Variants in SEC24B observed in about 807,000 individuals in gnomAD.
The protein encoded by SEC24B is protein transport protein Sec24B.
SEC24B carries 45 observed loss-of-function variants against 142.8 expected under a neutral mutation model. That is an observed-to-expected ratio of 0.32 (90% CI 0.25 to 0.40). The LOEUF is 0.40. Ranked by LOEUF, SEC24B falls within the 10% of genes least tolerant of loss-of-function variation. The pLI, the probability that SEC24B is intolerant of heterozygous loss-of-function variation, is 1.00. For missense variants in SEC24B, 1,409 were observed against 1,526.8 expected, an observed-to-expected ratio of 0.92 and a Z score of 1.29; for synonymous variants, 574 against 568.2, an observed-to-expected ratio of 1.01 and a Z score of -0.15.
At chr4:109,458,522 A>C (rs935686890) in intron 1 of SEC24B, among the ~76,000 whole-genome samples, 1 of 152,228 alleles carries the variant, frequency 6.6e-6, no homozygotes, top group African/African-American at 2.4e-5. Flanking sequence ...ATGAACACAA[A>C]AATTACCTAC....
chr4:109,508,904 TA>T (rs1376237917), intron 7 of SEC24B, among the ~76,000 whole-genome samples: 8 of 152,342 alleles, frequency 5.3e-5, no homozygotes, highest in African/African-American at 1.9e-4. Flanking sequence ...GTACTGGGGA[TA>T]AAGTTGTGAA....
In SEC24B at chr4:109,476,965, G is replaced by A. The variant is rs920753025; in HGVS notation, c.1060+3779G>A. On this transcript the variant is annotated intron_variant, in intron 3 of 23. Coordinates refer to ENST00000265175, the MANE Select transcript of SEC24B (RefSeq NM_006323.5). ...ATCCCGGCTAAAACGGTGAAACCCCGTCTCTACTAAAAATACAAAAAATTA... is the reference window on the plus strand; with the variant it reads ...ATCCCGGCTAAAACGGTGAAACCCCATCTCTACTAAAAATACAAAAAATTA... 1.8e-4 allele frequency among the ~76,000 whole-genome samples: 27 copies of A among 151,412 alleles called. No homozygotes were observed. The East Asian group carries it at 2.3e-3, about 13-fold the overall frequency.
At chr4:109,482,936 CTATA>C (rs775978447) in intron 4 of SEC24B, among the ~76,000 whole-genome samples, 1,132 of 34,432 alleles carry the variant, frequency 0.033, 45 homozygotes, top group South Asian at 0.077. Flanking sequence ...CAGGCTTGTA[CTATA>C]TATATATATA....
chr4:109,467,201 C>A (rs2125943047), intron 2 of SEC24B, among the ~76,000 whole-genome samples: 1 of 151,292 alleles, frequency 6.6e-6, no homozygotes, highest in South Asian at 2.1e-4. Context: ...TAGCGGGCGC[C>A]TGTAGTCCCA....
Position 109,526,407 on chromosome 4 carries a change from TA to T in SEC24B, c.2965+10del. On this transcript the variant is annotated intron_variant, in intron 17 of 23. Transcript: ENST00000265175. ...TATATACATCAAGCAAAGGTAATGT[TA>T]ACAGAAATGAAATATAGTCTGCAGC... The T allele has an allele frequency of 2.5e-6, 4 of 1,593,404 alleles. No individual in the cohort carries two copies. The highest frequency in any genetic ancestry group is 2.6e-6 in the Non-Finnish European group (3 of 1,165,296).
chr4:109,523,751 A>C (rs1423014279), intron 14 of SEC24B, among the ~76,000 whole-genome samples: 1 of 152,190 alleles, frequency 6.6e-6, no homozygotes, highest in Non-Finnish European at 1.5e-5. Context: ...AATTCCTAGA[A>C]GTGAAATTAT....
intron 1 of SEC24B, among the ~76,000 whole-genome samples, chr4:109,435,272 A>T (rs1349215640): frequency 6.6e-6 from 1 of 152,258 alleles, no homozygotes; most frequent in Non-Finnish European, 1.5e-5. Flanking sequence ...CTGTACTCTC[A>T]GTAGTCATTG....
chr4:109,494,758 C>T lies in SEC24B; in HGVS notation c.1390C>T (p.Pro464Ser), dbSNP rs775575637. 1.2e-5 allele frequency: 20 copies of T among 1,614,114 alleles called. No homozygotes were observed. Among genetic ancestry groups the T allele is most frequent in the African/African-American group, 8.0e-5 (6 of 74,946 alleles). ...KMAKPFGYGY[P>S]TLQPGYQNAT... ...GGCTAAGCCTTTTGGCTATGGCTAT[C>T]CAACACTTCAGCCTGGTTATCAGAA... Residue 464 changes from proline to serine, a missense_variant, in exon 6 of 24, where the codon CCA (proline) becomes TCA (serine). Around this residue, in one of 2 missense-constraint regions of SEC24B, gnomAD observed 709 missense variants for 673.5 expected, o/e 1.05. Transcript: ENST00000265175.
At chr4:109,454,355 A>G (rs544015243) in intron 1 of SEC24B, among the ~76,000 whole-genome samples, 3 of 152,044 alleles carry the variant, frequency 2.0e-5, no homozygotes, top group Admixed American at 2.0e-4. Context: ...CCTGGCCAAC[A>G]TGATGAAACC....
At chr4:109,468,158 C>A (rs987897847) in intron 2 of SEC24B, among the ~76,000 whole-genome samples, 2 of 152,126 alleles carry the variant, frequency 1.3e-5, no homozygotes, top group African/African-American at 4.8e-5. Context: ...AATGCTCATA[C>A]AAAATACAAG....
chr4:109,498,419 G>T (rs1322844395), intron 6 of SEC24B, among the ~76,000 whole-genome samples: 1 of 152,108 alleles, frequency 6.6e-6, no homozygotes, highest in Admixed American at 6.5e-5. Flanking sequence ...GTTCATTGGC[G>T]CAATCTCGGC....
intron 1 of SEC24B, among the ~76,000 whole-genome samples, chr4:109,434,203 C>T (rs1198183345): frequency 7.5e-6 from 1 of 132,886 alleles, no homozygotes; most frequent in African/African-American, 2.8e-5. Flanking sequence ...GCGCGGGGCG[C>T]GCGGGGGTGG....
chr4:109,466,589 T>A (rs1578816078), intron 2 of SEC24B, among the ~76,000 whole-genome samples: 1 of 152,164 alleles, frequency 6.6e-6, no homozygotes, highest in East Asian at 1.9e-4. Flanking sequence ...TTTTTATATT[T>A]TTAGTAGAGA....
intron 4 of SEC24B, among the ~76,000 whole-genome samples, chr4:109,483,987 A>G (rs1354546676): frequency 6.6e-6 from 1 of 152,246 alleles, no homozygotes; most frequent in Non-Finnish European, 1.5e-5. Flanking sequence ...TTTCCTAATC[A>G]TAAGGTCAGT....
At chr4:109,464,983 A>G (rs1731708971) in intron 2 of SEC24B, among the ~76,000 whole-genome samples, 1 of 152,168 alleles carries the variant, frequency 6.6e-6, no homozygotes, top group Non-Finnish European at 1.5e-5. Flanking sequence ...CATGTAGGTT[A>G]TAGAAACAAG....
chr4:109,530,278 T>C lies in SEC24B; in HGVS notation c.3077-11T>C. ...ATGGTTAAAATACCTTTCACTTTGGTTGCTTTTTAGCTGTGGATCGGTCCG... is the reference window on the plus strand; with the variant it reads ...ATGGTTAAAATACCTTTCACTTTGGCTGCTTTTTAGCTGTGGATCGGTCCG... On this transcript the variant is annotated splice_polypyrimidine_tract_variant and intron_variant, in intron 18 of 23. Transcript: ENST00000265175. The C allele has an allele frequency of 6.2e-7, 1 of 1,604,868 alleles. No individual in the cohort carries two copies. The highest frequency in any genetic ancestry group is 8.5e-7 in the Non-Finnish European group (1 of 1,173,800).
chr4:109,454,765 C>T (rs1270654206), intron 1 of SEC24B, among the ~76,000 whole-genome samples: 1 of 152,162 alleles, frequency 6.6e-6, no homozygotes, highest in East Asian at 1.9e-4. Flanking sequence ...AAATATTATT[C>T]TAACTTTCCC....
intron 11 of SEC24B, 33 bp downstream of exon 11, chr4:109,516,673 GTGTA>G: frequency 8.6e-7 from 1 of 1,168,422 alleles, no homozygotes; most frequent in Non-Finnish European, 1.3e-6. Context: ...CTATACATAT[GTGTA>G]TGTTATATAT....
chr4:109,468,622 G>A (rs563660686), intron 2 of SEC24B, among the ~76,000 whole-genome samples: 1 of 152,290 alleles, frequency 6.6e-6, no homozygotes, highest in East Asian at 1.9e-4. Flanking sequence ...ACTGGAGGAG[G>A]AAGAACCTAG....
Sources: allele counts gnomAD v4.1 joint callset (sites outside exome capture counted in the v4.1 genomes callset), GRCh38; gene constraint gnomAD v4.1.1; regional missense constraint gnomAD v4.1.1; transcripts MANE v1.5; gene names NCBI Gene and HGNC (gene_info 2026-07-23, HGNC 2026-07-21).